The following ZNF219 variants were observed in gnomAD, a reference collection of about 807,000 sequenced individuals.
The protein encoded by ZNF219 is zinc finger protein 219.
ZNF219 carries 17 observed loss-of-function variants against 54.4 expected under a neutral mutation model. The observed-to-expected ratio is 0.31, with a 90% confidence interval of 0.21 to 0.47. The LOEUF (loss-of-function observed/expected upper bound fraction) is 0.47. ZNF219 is among the 20% of genes least tolerant of loss of function. The probability of loss-of-function intolerance (pLI) is 1.00; values close to 1 mark genes in which losing one functional copy is unlikely to be tolerated. For synonymous variants in ZNF219, 518 were observed against 476.4 expected (o/e 1.09, Z -1.14); for missense variants, 1,014 against 1,062.3 (o/e 0.95, Z 0.63).
At chr14:21,102,273 T>G (rs1271120752), upstream of ZNF219, 2 of 1,400,206 alleles carry the variant, frequency 1.4e-6, no homozygotes, top group African/African-American at 2.9e-5. Flanking sequence ...GCAAAAAAGT[T>G]AAGAGGGCTT....
At position 21,090,893 on chromosome 14, in the gene ZNF219, C is replaced by T. The variant is rs1228506813; in HGVS notation, c.1812G>A (p.Gly604=). ...CAGGGCTGGCGGGCTTCCGACGGGA[C>T]CCCGGCCCAGCACCGCTAGAAGGAG... ...PRPPSSGAGP[G]SRRKPASPGR... The change falls in exon 5 of 5, where the codon GGG becomes GGA. Residue 604 remains glycine (G), a synonymous_variant. Coordinates refer to ENST00000360947, the MANE Select transcript of ZNF219 (RefSeq NM_016423.3). The surrounding 1 kb of genome is among the most constrained non-coding windows in gnomAD (Gnocchi z 4.4). 2.6e-6 allele frequency: 4 copies of T among 1,549,970 alleles called. No individual in the cohort carries two copies. The highest frequency in any genetic ancestry group is 3.5e-6 in the Non-Finnish European group (4 of 1,150,394).
At chr14:21,098,013 C>T (rs1594605993) in intron 1 of ZNF219, among the ~76,000 whole-genome samples, 1 of 151,424 alleles carries the variant, frequency 6.6e-6, no homozygotes, top group South Asian at 2.1e-4. Flanking sequence ...CGCCACATCC[C>T]CCCCGTTGGC....
upstream of ZNF219, chr14:21,102,178 C>T (rs1186554623): frequency 6.6e-7 from 1 of 1,509,814 alleles, no homozygotes; most frequent in Non-Finnish European, 8.9e-7. Context: ...ACACCTACAA[C>T]CCTCAGCCTA....
rs752661270 is a variant in ZNF219, at chr14:21,092,874, C to T, written c.423G>A (p.Gly141=). 1 of 1,547,818 alleles carries T rather than the reference C, an allele frequency of 6.5e-7. No homozygotes were observed. Among genetic ancestry groups the T allele is most frequent in the African/African-American group, 1.4e-5 (1 of 73,064 alleles). ...EARLGRARSS[G]GMQATPATEG... is the part of the protein sequence containing the mutation. Reference sequence around the variant, plus strand: ...CAGTGGCAGGGGTGGCCTGCATGCCCCCTGAGCTTCGGGCTCTCCCCAGTC... The same window carrying T: ...CAGTGGCAGGGGTGGCCTGCATGCCTCCTGAGCTTCGGGCTCTCCCCAGTC... The change falls in exon 3 of 5, where the codon GGG becomes GGA. Residue 141 remains glycine (G), a synonymous_variant. Transcript: ENST00000360947.
chr14:21,098,078 G>T (rs1280158785), intron 1 of ZNF219, among the ~76,000 whole-genome samples: 1 of 149,254 alleles, frequency 6.7e-6, no homozygotes, highest in African/African-American at 2.5e-5. Context: ...CCCTCCCTTG[G>T]GGCCCCCCAG....
chr14:21,095,676 T>C (rs1319530224), intron 1 of ZNF219, among the ~76,000 whole-genome samples: 2 of 152,162 alleles, frequency 1.3e-5, no homozygotes, highest in African/African-American at 4.8e-5. Flanking sequence ...GATAGAGCTA[T>C]GAGGTGCTAG....
chr14:21,092,465 C>G lies in ZNF219; in HGVS notation c.832G>C (p.Val278Leu). ...PPAPPEFRCQ[V>L]CGQSFTQSWF... is the part of the protein sequence containing the mutation. The stretch of plus-strand genomic sequence containing the variant: ...GACTGTGTAAAGCTCTGGCCGCACA[C>G]TTGGCAGCGGAACTCCGGAGGCGCT... The change falls in exon 3 of 5, where the codon GTG becomes CTG. Residue 278 changes from valine to leucine, a missense_variant. Val to Leu is a conservative substitution (Grantham distance 32). Transcript: ENST00000360947. 1 of 1,557,088 alleles carries G rather than the reference C, an allele frequency of 6.4e-7. No individual in the cohort carries two copies. The highest frequency in any genetic ancestry group is 8.7e-7 in the Non-Finnish European group (1 of 1,150,504).
chr14:21,092,592 T>TGGAGGC lies in ZNF219; in HGVS notation c.699_704dup (p.Pro235_Pro236dup). ...GGACTGATCTGGGTTCGGGCTGGGG[T>TGGAGGC]GGAGGCTGAGGCTGAGGCTGAGGCG... On this transcript the variant is annotated inframe_insertion, in exon 3 of 5. Coordinates refer to ENST00000360947, the MANE Select transcript of ZNF219 (RefSeq NM_016423.3). The TGGAGGC allele has an allele frequency of 1.3e-6, 2 of 1,540,234 alleles. No individual in the cohort carries two copies. The highest frequency in any genetic ancestry group is 1.7e-6 in the Non-Finnish European group (2 of 1,145,196).
chr14:21,098,802 C>G, upstream of ZNF219: 3 of 1,287,238 alleles, frequency 2.3e-6, no homozygotes, highest in Non-Finnish European at 3.0e-6. Flanking sequence ...TCCCTAAACC[C>G]GGACATACCA....
intron 1 of ZNF219, among the ~76,000 whole-genome samples, chr14:21,097,619 C>CAT (rs1406885688): frequency 6.6e-6 from 1 of 152,102 alleles, no homozygotes; most frequent in East Asian, 1.9e-4. Flanking sequence ...GAGGTTTTTC[C>CAT]AGCAGCACCC....
At chr14:21,098,907 T>C (rs1889477267), upstream of ZNF219, 13 of 1,253,014 alleles carry the variant, frequency 1.0e-5, no homozygotes, top group South Asian at 1.7e-4. Flanking sequence ...TCCCTTACAA[T>C]TTCTGTCTCT....
In ZNF219 at chr14:21,092,752, A is replaced by G; in HGVS notation, c.545T>C (p.Leu182Pro). The change falls in exon 3 of 5, where the codon CTG (leucine) becomes CCG (proline). Residue 182 changes from leucine (L) to proline (P), a missense_variant. Around this residue, in one of 5 missense-constraint regions of ZNF219, gnomAD observed 395 missense variants for 415.1 expected, o/e 0.95. Transcript: ENST00000360947. ...FRTSAERERH[L>P]HILHRPWKCG... is the part of the protein sequence containing the mutation. ...CTTCCAGGGCCTATGCAGGATGTGC[A>G]GGTGGCGTTCGCGCTCCGCCGAGGT... 2 of 1,583,132 alleles carry G rather than the reference A, an allele frequency of 1.3e-6. No individual in the cohort carries two copies. Among genetic ancestry groups the G allele is most frequent in the South Asian group, 1.1e-5 (1 of 87,648 alleles).
In ZNF219 at chr14:21,090,749, C is replaced by G; in HGVS notation, c.1956G>C (p.Pro652=). The G allele has an allele frequency of 1.2e-6, 2 of 1,607,680 alleles. No individual in the cohort carries two copies. The highest frequency in any genetic ancestry group is 1.7e-6 in the Non-Finnish European group (2 of 1,177,944). The change falls in exon 5 of 5, where the codon CCG becomes CCC. Residue 652 remains proline, a synonymous_variant. Transcript: ENST00000360947. This position sits in a 1 kb window ranked among gnomAD's most constrained non-coding sequence, Gnocchi z 4.4. ...TGAGCTCTGGGGCTCCAGTGGCGAACGGGCAGAAGAGGCAGCGGTGGAGGG... is the reference window on the plus strand; with the variant it reads ...TGAGCTCTGGGGCTCCAGTGGCGAAGGGGCAGAAGAGGCAGCGGTGGAGGG... ...GGALHRCLFC[P]FATGAPELMA...
At position 21,093,190 on chromosome 14, in the gene ZNF219, C is replaced by G. The variant is rs778685662; in HGVS notation, c.107G>C (p.Ser36Thr). ...LQRYSNGPAV[S>T]AGSLGMGAVS... ...CGCTCCCATCCCGAGCGACCCTGCG[C>G]TCACGGCTGGCCCGTTGGAGTATCG... Residue 36 changes from serine to threonine, a missense_variant, in exon 3 of 5, where the codon AGC becomes ACC. Coordinates refer to ENST00000360947, the MANE Select transcript of ZNF219 (RefSeq NM_016423.3). 1.9e-6 allele frequency: 3 copies of G among 1,608,878 alleles called. No homozygotes were observed. Among genetic ancestry groups the G allele is most frequent in the Non-Finnish European group, 2.5e-6 (3 of 1,179,444 alleles).
At chr14:21,091,188 G>T (rs762932230) in intron 4 of ZNF219, 48 bp from the exon 5 acceptor site, 1 of 1,550,086 alleles carries the variant, frequency 6.5e-7, no homozygotes, top group Non-Finnish European at 8.7e-7. Context: ...ATGACTGCAC[G>T]CACCCACCCG....
chr14:21,094,736 G>GGGGGT lies in ZNF219; in HGVS notation c.-83-1063_-83-1062insACCCC, dbSNP rs1270376691. ...GAAGAGGATAGGGGTTGGGGGGGGG[G>GGGGGT]GCGGGTGCTGATCCTAAGCTGCAGA... On this transcript the variant is annotated intron_variant, in intron 1 of 4. Coordinates refer to ENST00000360947, the MANE Select transcript of ZNF219 (RefSeq NM_016423.3). 2.5e-5 allele frequency among the ~76,000 whole-genome samples: 2 copies of GGGGGT among 79,636 alleles called. 1 individual carries two copies. Among genetic ancestry groups the GGGGGT allele is most frequent in the Non-Finnish European group, 5.5e-5 (2 of 36,640 alleles). 52.2% of individuals were successfully genotyped at this position (79,636 alleles called of 152,430 possible). A position where few individuals can be genotyped will look rare whatever the true frequency, so the allele number is the denominator to read the frequency against.
upstream of ZNF219, chr14:21,101,933 T>C (rs1189077767): frequency 1.1e-5 from 17 of 1,551,546 alleles, no homozygotes; most frequent in Non-Finnish European, 1.2e-5. Context: ...TGAACTCTGA[T>C]TGTCACATGG....
chr14:21,091,912 T>A lies in ZNF219; in HGVS notation c.1385A>T (p.His462Leu). The change falls in exon 3 of 5, where the codon CAC becomes CTC. Residue 462 changes from histidine (H) to leucine (L), a missense_variant. Coordinates refer to ENST00000360947, the MANE Select transcript of ZNF219 (RefSeq NM_016423.3). Reference protein sequence around the residue: ...LHPRPGEGPGHSASAAGAQAR... With the variant: ...LHPRPGEGPGLSASAAGAQAR... The stretch of plus-strand genomic sequence containing the variant: ...CTGGGCCCCAGCAGCAGAGGCAGAG[T>A]GCCCCGGTCCCTCACCCGGGCGCGG... The A allele has an allele frequency of 1.3e-6, 2 of 1,593,048 alleles. No individual in the cohort carries two copies. The highest frequency in any genetic ancestry group is 1.7e-6 in the Non-Finnish European group (2 of 1,171,700).
chr14:21,098,484 T>C lies in ZNF219; in HGVS notation c.-256A>G, dbSNP rs965892299. ...CTCCCCGGTCCCCCGCCCCCGGCCC[T>C]GGCCCGCATTGTGTGCGGCGGGAGG... On this transcript the variant is annotated 5_prime_UTR_variant, in exon 1 of 5. Coordinates refer to ENST00000360947, the MANE Select transcript of ZNF219 (RefSeq NM_016423.3). 19 of 978,054 alleles carry C rather than the reference T, an allele frequency of 1.9e-5. No homozygotes were observed. The highest frequency in any genetic ancestry group is 2.1e-5 in the Non-Finnish European group (17 of 825,566). 60.6% of individuals were successfully genotyped at this position (978,054 alleles called of 1,614,324 possible). A position where few individuals can be genotyped will look rare whatever the true frequency, so the allele number is the denominator to read the frequency against.
Sources: allele counts gnomAD v4.1 joint callset (sites outside exome capture counted in the v4.1 genomes callset), GRCh38; gene constraint gnomAD v4.1.1; regional missense constraint gnomAD v4.1.1; non-coding constraint Gnocchi (gnomAD v3.1); transcripts MANE v1.5; gene names NCBI Gene and HGNC (gene_info 2026-07-23, HGNC 2026-07-21).